Variants in AFTPH observed in about 807,000 individuals in gnomAD.
AFTPH encodes the protein aftiphilin, also known as aftiphilin protein.
In AFTPH, 7 loss-of-function variants were observed where a neutral mutation model predicts 72.5. The observed-to-expected ratio is 0.10, with a 90% CI of 0.05 to 0.18. The LOEUF is 0.18. AFTPH is among the 10% of genes least tolerant of loss of function. AFTPH has a pLI of 1.00. For missense variants in AFTPH, 979 were observed against 1,060.5 expected (o/e 0.92, Z 1.07); for synonymous variants, 337 against 370.1 (o/e 0.91, Z 1.03).
At chr2:64,582,311 T>C (rs1477739336) in intron 7 of AFTPH, among the ~76,000 whole-genome samples, 1 of 152,110 alleles carries the variant, frequency 6.6e-6, no homozygotes, top group Non-Finnish European at 1.5e-5. Context: ...GGGCTGTGGA[T>C]GGGGGAGACT....
At chr2:64,591,382 G>A (rs1396448500) in intron 8 of AFTPH, among the ~76,000 whole-genome samples, 1 of 152,222 alleles carries the variant, frequency 6.6e-6, no homozygotes, top group East Asian at 1.9e-4. Context: ...TGAGCTGAGA[G>A]CTTTCTCTCC....
At chr2:64,572,801 CTTAA>C (rs1672522083) in intron 5 of AFTPH, 141 bp from the exon 6 acceptor site, 1 of 1,091,216 alleles carries the variant, frequency 9.2e-7, no homozygotes, top group African/African-American at 2.9e-5. Context: ...GACCTTGTCT[CTTAA>C]AAAAAAAAAA....
At chr2:64,578,729 TTTTTA>T (rs1437986446) in intron 6 of AFTPH, among the ~76,000 whole-genome samples, 2 of 152,098 alleles carry the variant, frequency 1.3e-5, no homozygotes, top group Admixed American at 1.3e-4. Flanking sequence ...GGCTAATTTT[TTTTTA>T]TTTTTAGTAG....
At chr2:64,528,650 C>T (rs892121084) in intron 1 of AFTPH, among the ~76,000 whole-genome samples, 12 of 151,756 alleles carry the variant, frequency 7.9e-5, no homozygotes, top group East Asian at 1.9e-4. Flanking sequence ...GAAGGGGAAG[C>T]AAATAAGAAG....
intron 1 of AFTPH, among the ~76,000 whole-genome samples, chr2:64,541,227 C>T (rs1389342277): frequency 2.0e-5 from 3 of 151,998 alleles, no homozygotes; most frequent in Admixed American, 6.6e-5. Context: ...TTAATAATGA[C>T]ATTGGTGTAA....
chr2:64,556,948 G>A (rs1671414467), intron 2 of AFTPH, among the ~76,000 whole-genome samples: 1 of 152,152 alleles, frequency 6.6e-6, no homozygotes, highest in Non-Finnish European at 1.5e-5. Flanking sequence ...GTAAGTAGTG[G>A]TATCTCCATT....
At chr2:64,528,644 G>A (rs771249754) in intron 1 of AFTPH, among the ~76,000 whole-genome samples, 69 of 152,148 alleles carry the variant, frequency 4.5e-4, no homozygotes, top group Non-Finnish European at 7.1e-4. Context: ...CCTGAAGAAG[G>A]GGAAGCAAAT....
At chr2:64,588,093 A>G (rs1437025215) in intron 8 of AFTPH, among the ~76,000 whole-genome samples, 1 of 152,152 alleles carries the variant, frequency 6.6e-6, no homozygotes, top group Non-Finnish European at 1.5e-5. Context: ...CCCTGTACCC[A>G]TTAGCAGTCA....
chr2:64,560,223 T>C lies in AFTPH; in HGVS notation c.1935+6814T>C, dbSNP rs1168360859. 2.6e-5 allele frequency among the ~76,000 whole-genome samples: 4 copies of C among 152,282 alleles called. No individual in the cohort carries two copies. In the South Asian group the frequency reaches 6.2e-4, roughly 24 times the overall value. On this transcript the variant is annotated intron_variant, in intron 2 of 8. Coordinates refer to ENST00000238856, the Ensembl canonical transcript of AFTPH. ...GTGGATAAAGTGAAATGGCTGCTTA[T>C]ATACCCTGGGACTTTCTTCCACTAC...
At chr2:64,580,767 T>G (rs999515823) in intron 7 of AFTPH, 1 of 153,086 alleles carries the variant, frequency 6.5e-6, no homozygotes, top group African/African-American at 2.4e-5. Flanking sequence ...TAAAAAGCAT[T>G]AATTAGAAAC....
chr2:64,524,814 G>A (rs1017739947), intron 1 of AFTPH, among the ~76,000 whole-genome samples: 2 of 152,246 alleles, frequency 1.3e-5, no homozygotes, highest in African/African-American at 4.8e-5. Flanking sequence ...AACGCCGCTG[G>A]TGGCGCCCGA....
At chr2:64,568,318 T>C (rs1672212689) in intron 3 of AFTPH, among the ~76,000 whole-genome samples, 1 of 152,192 alleles carries the variant, frequency 6.6e-6, no homozygotes. Flanking sequence ...CACTGTTTTC[T>C]TTATAGTACA....
intron 1 of AFTPH, among the ~76,000 whole-genome samples, chr2:64,546,570 CT>C (rs889099703): frequency 5.0e-4 from 74 of 148,726 alleles, no homozygotes; most frequent in African/African-American, 1.4e-3. Flanking sequence ...TCTTTGAATG[CT>C]TTTTTTTTTC....
chr2:64,557,535 G>T (rs1201705149), intron 2 of AFTPH, among the ~76,000 whole-genome samples: 1 of 152,172 alleles, frequency 6.6e-6, no homozygotes, highest in Admixed American at 6.5e-5. Flanking sequence ...AGGCTGGAGT[G>T]CAGGTGCAAT....
chr2:64,577,617 T>C (rs962894983), intron 6 of AFTPH, among the ~76,000 whole-genome samples: 10 of 152,246 alleles, frequency 6.6e-5, no homozygotes, highest in Non-Finnish European at 1.2e-4. Context: ...GTCACTGATC[T>C]AGAAGTGGAG....
intron 2 of AFTPH, among the ~76,000 whole-genome samples, chr2:64,564,047 T>A (rs1339335326): frequency 6.6e-6 from 1 of 152,170 alleles, no homozygotes; most frequent in Non-Finnish European, 1.5e-5. Flanking sequence ...CTATAGCAGG[T>A]TTCATTTATA....
intron 5 of AFTPH, among the ~76,000 whole-genome samples, chr2:64,571,021 T>A (rs1265032364): frequency 6.7e-6 from 1 of 150,138 alleles, no homozygotes; most frequent in Non-Finnish European, 1.5e-5. Context: ...TGAATTTAAA[T>A]GTATCTCGCC....
chr2:64,545,344 C>T lies in AFTPH; in HGVS notation c.-32-6099C>T, dbSNP rs1670510978. On this transcript the variant is annotated intron_variant, in intron 1 of 8. Coordinates refer to ENST00000238856, the Ensembl canonical transcript of AFTPH. ...CCTAGATAAATGAAAACTTACATGCCCACAAAAACCTGTATATGGAAGTTC... is the reference window on the plus strand; with the variant it reads ...CCTAGATAAATGAAAACTTACATGCTCACAAAAACCTGTATATGGAAGTTC... Among the ~76,000 whole-genome samples the T allele has an allele frequency of 2.0e-5, 3 of 151,224 alleles. No homozygotes were observed. The South Asian group carries it at 6.3e-4, about 32-fold the overall frequency.
intron 1 of AFTPH, among the ~76,000 whole-genome samples, chr2:64,532,703 G>A (rs1015774987): frequency 1.3e-5 from 2 of 152,128 alleles, no homozygotes; most frequent in African/African-American, 4.8e-5. Flanking sequence ...CAAGTGGAGA[G>A]GTCTAAGCAG....
Sources: allele counts gnomAD v4.1 joint callset (sites outside exome capture counted in the v4.1 genomes callset), GRCh38; gene constraint gnomAD v4.1.1; transcripts MANE v1.5; gene names NCBI Gene and HGNC (gene_info 2026-07-23, HGNC 2026-07-21).